Variants in DOCK3 observed in about 807,000 individuals in gnomAD.
DOCK3 encodes the protein dedicator of cytokinesis protein 3.
A neutral mutation model predicts 265.6 loss-of-function variants in DOCK3; 60 were observed. The ratio of observed to expected loss-of-function variants is 0.23; its 90% CI spans 0.18 to 0.28. The LOEUF is 0.28. Ranked by LOEUF, DOCK3 falls within the 10% of genes least tolerant of loss-of-function variation. DOCK3 has a pLI of 1.00. For synonymous variants in DOCK3, 881 were observed against 938.0 expected (o/e 0.94, Z 1.11); for missense variants, 1,981 against 2,594.3 (o/e 0.76, Z 5.14).
chr3:51,230,557 G>C (rs183356728), intron 19 of DOCK3, among the ~76,000 whole-genome samples: 13 of 151,588 alleles, frequency 8.6e-5, no homozygotes, highest in Admixed American at 7.2e-4. Context: ...TCACTCTGTC[G>C]CCAGGCTGGA....
intron 23 of DOCK3, among the ~76,000 whole-genome samples, chr3:51,266,527 C>T (rs576463264): frequency 6.6e-6 from 1 of 152,230 alleles, no homozygotes; most frequent in Non-Finnish European, 1.5e-5. Flanking sequence ...TAACACCACA[C>T]ATCTACAATC....
intron 49 of DOCK3, among the ~76,000 whole-genome samples, chr3:51,372,725 G>A (rs964234810): frequency 6.6e-6 from 1 of 152,198 alleles, no homozygotes; most frequent in African/African-American, 2.4e-5. Flanking sequence ...GTTTTCCGGT[G>A]CATACTGAAC....
chr3:51,263,331 G>A (rs949615604), intron 23 of DOCK3, among the ~76,000 whole-genome samples: 1 of 152,132 alleles, frequency 6.6e-6, no homozygotes, highest in Admixed American at 6.5e-5. Context: ...AGCTTCATAA[G>A]TGAAGGAGAA....
chr3:50,784,879 A>G (rs1371139550), intron 2 of DOCK3, among the ~76,000 whole-genome samples: 1 of 152,146 alleles, frequency 6.6e-6, no homozygotes, highest in Admixed American at 6.5e-5. Context: ...TCCTGTGGCC[A>G]GGCACGGTGG....
rs893931579 is a variant in DOCK3, at chr3:51,354,822, G to A, written c.4108-60G>A. On this transcript the variant is annotated intron_variant, in intron 40 of 52. Coordinates refer to ENST00000266037, the MANE Select transcript of DOCK3 (RefSeq NM_004947.5). Reference sequence around the variant, plus strand: ...TGCTATATGTAGCTACTGACTCCAGGGTGGAGGTGGGGGGCTACAAGCAAA... The same window carrying A: ...TGCTATATGTAGCTACTGACTCCAGAGTGGAGGTGGGGGGCTACAAGCAAA... The A allele has an allele frequency of 1.9e-6, 3 of 1,581,454 alleles. No individual in the cohort carries two copies. In the African/African-American group the frequency reaches 4.0e-5, roughly 21 times the overall value.
chr3:51,242,099 C>A (rs971597929), intron 21 of DOCK3, among the ~76,000 whole-genome samples: 5 of 151,426 alleles, frequency 3.3e-5, no homozygotes, highest in African/African-American at 1.2e-4. Flanking sequence ...TTTTTTTTCC[C>A]TTTTATCCTG....
intron 1 of DOCK3, among the ~76,000 whole-genome samples, chr3:50,742,887 A>G (rs2039153545): frequency 6.6e-6 from 1 of 152,208 alleles, no homozygotes; most frequent in Non-Finnish European, 1.5e-5. Context: ...TCCAAGACAC[A>G]TAATTGTCAG....
chr3:51,375,859 C>G, intron 51 of DOCK3, 24 bp downstream of exon 51: 1 of 1,613,136 alleles, frequency 6.2e-7, no homozygotes, highest in South Asian at 1.1e-5. Context: ...GGTGGCCTTC[C>G]CCCCATGTCT....
At chr3:51,280,015 G>T (rs2108987511) in intron 26 of DOCK3, 91 bp from the exon 27 acceptor site, 1 of 1,004,428 alleles carries the variant, frequency 1.0e-6, no homozygotes, top group African/African-American at 1.6e-5. Context: ...GGCCATCTCA[G>T]ACCCTCCCTT....
At chr3:50,890,362 C>T (rs1373677477) in intron 4 of DOCK3, among the ~76,000 whole-genome samples, 1 of 151,986 alleles carries the variant, frequency 6.6e-6, no homozygotes, top group Non-Finnish European at 1.5e-5. Context: ...TGAGCATAGT[C>T]ATTCATAGAG....
At chr3:51,012,242 C>A (rs1265606185) in intron 5 of DOCK3, among the ~76,000 whole-genome samples, 2 of 152,186 alleles carry the variant, frequency 1.3e-5, no homozygotes, top group African/African-American at 4.8e-5. Context: ...CCATTGCCCA[C>A]AGAGGTGGAG....
At chr3:50,862,393 G>A (rs952051598) in intron 3 of DOCK3, among the ~76,000 whole-genome samples, 1 of 152,228 alleles carries the variant, frequency 6.6e-6, no homozygotes, top group African/African-American at 2.4e-5. Context: ...AGTTCAGGCC[G>A]AAATCCAGAA....
intron 5 of DOCK3, among the ~76,000 whole-genome samples, chr3:51,046,173 G>A (rs2080770623): frequency 6.6e-6 from 1 of 152,038 alleles, no homozygotes; most frequent in Admixed American, 6.6e-5. Flanking sequence ...GAGAGGAGGA[G>A]GGGAACAACA....
chr3:50,837,969 AT>A (rs2107210621), intron 2 of DOCK3, among the ~76,000 whole-genome samples: 1 of 152,278 alleles, frequency 6.6e-6, no homozygotes, highest in South Asian at 2.1e-4. Context: ...AAGACTTTGA[AT>A]TTTATTTTGA....
intron 3 of DOCK3, among the ~76,000 whole-genome samples, chr3:50,865,715 GA>G (rs1342567254): frequency 2.0e-5 from 3 of 152,144 alleles, no homozygotes; most frequent in Non-Finnish European, 4.4e-5. Context: ...TTAGTTGTTG[GA>G]GGAACCTCCA....
At chr3:50,935,913 A>T (rs1208253478) in intron 5 of DOCK3, among the ~76,000 whole-genome samples, 1 of 152,196 alleles carries the variant, frequency 6.6e-6, no homozygotes, top group Non-Finnish European at 1.5e-5. Context: ...AATGTTCAGG[A>T]TATGGCCCAA....
At chr3:50,923,583 G>T (rs541298293) in intron 4 of DOCK3, among the ~76,000 whole-genome samples, 1 of 152,050 alleles carries the variant, frequency 6.6e-6, no homozygotes, top group Non-Finnish European at 1.5e-5. Flanking sequence ...TTAAAAATAG[G>T]TGGGGAAACA....
chr3:50,916,444 G>A (rs1477541959), intron 4 of DOCK3, among the ~76,000 whole-genome samples: 1 of 151,900 alleles, frequency 6.6e-6, no homozygotes, highest in Non-Finnish European at 1.5e-5. Flanking sequence ...TCTCTACATG[G>A]CCAACTTTCT....
In DOCK3 at chr3:51,009,876, C is replaced by T. The variant is rs550412273; in HGVS notation, c.316-54572C>T. On this transcript the variant is annotated intron_variant, in intron 5 of 52. Transcript: ENST00000266037. ...ATTTCTGCCTTCATTTAATTATTAA[C>T]CCAGTAGTCATTCAGGAGCAGGTTG... 6.6e-5 allele frequency among the ~76,000 whole-genome samples: 10 copies of T among 152,270 alleles called. 1 individual carries two copies. The East Asian group carries it at 1.7e-3, about 26-fold the overall frequency.
Sources: allele counts gnomAD v4.1 joint callset (sites outside exome capture counted in the v4.1 genomes callset), GRCh38; gene constraint gnomAD v4.1.1; transcripts MANE v1.5; gene names NCBI Gene and HGNC (gene_info 2026-07-23, HGNC 2026-07-21).